TRERF1: variants seen among roughly 807,000 people sequenced by gnomAD.
TRERF1 encodes transcriptional regulating factor 1, also known as transcriptional-regulating factor 1.
A neutral mutation model predicts 122.9 loss-of-function variants in TRERF1; 27 were observed. That is an observed-to-expected ratio of 0.22 (90% CI 0.16 to 0.30). The LOEUF (loss-of-function observed/expected upper bound fraction) is 0.30, where lower values mean the gene tolerates loss of function less well. Among genes scored for constraint, TRERF1 ranks in the 10% least tolerant of loss-of-function variants. TRERF1 has a pLI of 1.00. For missense variants in TRERF1, 1,248 were observed against 1,560.3 expected (o/e 0.80, Z 3.37); for synonymous variants, 636 against 641.7 (o/e 0.99, Z 0.13).
intron 15 of TRERF1, among the ~76,000 whole-genome samples, chr6:42,238,975 T>C (rs1467243293): frequency 6.6e-6 from 1 of 152,122 alleles, no homozygotes; most frequent in Admixed American, 6.6e-5. Flanking sequence ...GTAAAAAAGT[T>C]GAACTGAGAT....
chr6:42,303,940 A>T lies in TRERF1; in HGVS notation c.-370-3191T>A, dbSNP rs1197471017. 2.1e-5 allele frequency among the ~76,000 whole-genome samples: 3 copies of T among 145,316 alleles called. No individual in the cohort carries two copies. The South Asian group carries it at 6.7e-4, about 32-fold the overall frequency. ...AAAAAAAAAAAAAAAGAAGATGTACAGGTTTTTCCAAAAGCACCCAAGAAG... is the reference window on the plus strand; with the variant it reads ...AAAAAAAAAAAAAAAGAAGATGTACTGGTTTTTCCAAAAGCACCCAAGAAG... On this transcript the variant is annotated intron_variant, in intron 3 of 17. Coordinates refer to ENST00000372922, the Ensembl canonical transcript of TRERF1.
intron 2 of TRERF1, among the ~76,000 whole-genome samples, chr6:42,420,610 A>C (rs1276158727): frequency 6.6e-6 from 1 of 152,270 alleles, no homozygotes; most frequent in Non-Finnish European, 1.5e-5. Context: ...TATTTTTAAT[A>C]ACTTTTAAAA....
chr6:42,305,264 A>G (rs551634155), intron 3 of TRERF1, among the ~76,000 whole-genome samples: 1 of 152,218 alleles, frequency 6.6e-6, no homozygotes, highest in South Asian at 2.1e-4. Flanking sequence ...TCCTTCCCAT[A>G]TGACCAGTAA....
intron 16 of TRERF1, among the ~76,000 whole-genome samples, chr6:42,235,173 C>T (rs1771814421): frequency 6.6e-6 from 1 of 151,804 alleles, no homozygotes; most frequent in Non-Finnish European, 1.5e-5. Context: ...GTTGCTTTCT[C>T]CATCTAAGTG....
At chr6:42,421,202 T>A (rs756388599) in intron 2 of TRERF1, among the ~76,000 whole-genome samples, 1 of 152,216 alleles carries the variant, frequency 6.6e-6, no homozygotes, top group Admixed American at 6.5e-5. Flanking sequence ...CTTGGCAAAG[T>A]GCCTTCCATA....
At chr6:42,261,727 G>A (rs758900762) in intron 8 of TRERF1, among the ~76,000 whole-genome samples, 4 of 152,100 alleles carry the variant, frequency 2.6e-5, no homozygotes, top group Non-Finnish European at 5.9e-5. Context: ...TTGTTCCCAT[G>A]TATTCAGTCC....
At chr6:42,403,627 G>A (rs918649421) in intron 2 of TRERF1, among the ~76,000 whole-genome samples, 7 of 152,114 alleles carry the variant, frequency 4.6e-5, no homozygotes, top group East Asian at 1.9e-4. Context: ...TGAGTCATCC[G>A]GTATGTAGTA....
intron 16 of TRERF1, among the ~76,000 whole-genome samples, chr6:42,234,337 TTTGC>T (rs200560734): frequency 3.3e-5 from 5 of 150,444 alleles, no homozygotes; most frequent in Non-Finnish European, 5.9e-5. Context: ...TGTTTGTTTG[TTTGC>T]TTGTTTTTTT....
chr6:42,444,926 C>T (rs925319419), intron 2 of TRERF1, among the ~76,000 whole-genome samples: 2 of 152,156 alleles, frequency 1.3e-5, no homozygotes, highest in African/African-American at 4.8e-5. Flanking sequence ...CCCAGCCAAC[C>T]CTTCACTCCA....
chr6:42,260,349 T>G (rs946661396), intron 8 of TRERF1, among the ~76,000 whole-genome samples: 4 of 151,890 alleles, frequency 2.6e-5, no homozygotes, highest in African/African-American at 9.7e-5. Context: ...TCACTATTGC[T>G]CCCAGAACTC....
intron 2 of TRERF1, among the ~76,000 whole-genome samples, chr6:42,413,386 C>A (rs574888135): frequency 6.6e-6 from 1 of 151,544 alleles, no homozygotes; most frequent in East Asian, 1.9e-4. Context: ...TGGTTAGAAA[C>A]GCATCTGGGG....
intron 3 of TRERF1, among the ~76,000 whole-genome samples, chr6:42,333,263 C>T (rs540508000): frequency 6.6e-5 from 10 of 152,278 alleles, no homozygotes; most frequent in Middle Eastern, 3.4e-3. Flanking sequence ...GAATCACTTT[C>T]GCTTTTCTGG....
chr6:42,283,059 G>A (rs997884600), intron 4 of TRERF1, among the ~76,000 whole-genome samples: 6 of 152,058 alleles, frequency 3.9e-5, no homozygotes, highest in Non-Finnish European at 7.4e-5. Context: ...CAGCCTTCTC[G>A]TGCTGAGAAC....
At chr6:42,307,554 G>A (rs114146212) in intron 3 of TRERF1, among the ~76,000 whole-genome samples, 119 of 152,238 alleles carry the variant, frequency 7.8e-4, no homozygotes, top group African/African-American at 2.8e-3. Flanking sequence ...ACAAGTAGAG[G>A]AGCTTTGCAG....
At chr6:42,285,110 A>G (rs555910558) in intron 4 of TRERF1, among the ~76,000 whole-genome samples, 2 of 152,312 alleles carry the variant, frequency 1.3e-5, no homozygotes, top group Admixed American at 1.3e-4. Context: ...CTTCCTACCC[A>G]TGAGCATGAA....
intron 3 of TRERF1, among the ~76,000 whole-genome samples, chr6:42,333,763 C>T (rs1364795654): frequency 6.6e-6 from 1 of 152,206 alleles, no homozygotes; most frequent in Non-Finnish European, 1.5e-5. Context: ...ACATGGGCCC[C>T]TCGAGTGCTT....
At chr6:42,369,548 C>T (rs145200537) in intron 2 of TRERF1, among the ~76,000 whole-genome samples, 6 of 152,070 alleles carry the variant, frequency 3.9e-5, no homozygotes, top group African/African-American at 9.6e-5. Flanking sequence ...CCACCCAGTC[C>T]GGTTCTACAC....
chr6:42,366,404 G>A (rs1400644790), intron 2 of TRERF1, among the ~76,000 whole-genome samples: 5 of 152,180 alleles, frequency 3.3e-5, no homozygotes, highest in Admixed American at 3.3e-4. Context: ...GAGACACAGG[G>A]CCTTCTTGAA....
At chr6:42,427,868 T>TAA (rs553002598) in intron 2 of TRERF1, among the ~76,000 whole-genome samples, 2 of 149,076 alleles carry the variant, frequency 1.3e-5, no homozygotes, top group Non-Finnish European at 3.0e-5. Context: ...TTAATATATA[T>TAA]AAAAAAAAAA....
Sources: allele counts gnomAD v4.1 joint callset (sites outside exome capture counted in the v4.1 genomes callset), GRCh38; gene constraint gnomAD v4.1.1; transcripts MANE v1.5; gene names NCBI Gene and HGNC (gene_info 2026-07-23, HGNC 2026-07-21).